Variants in AHI1 observed in about 807,000 individuals in gnomAD.
AHI1 encodes Abelson helper integration site 1, also known as jouberin.
Under a neutral mutation model 149.3 loss-of-function variants are expected in AHI1, and 123 were observed. The observed-to-expected ratio is 0.82, with a 90% confidence interval of 0.71 to 0.96. The LOEUF is 0.96. AHI1 is among the 40% of genes least tolerant of loss of function. The pLI is 0.00. For synonymous variants in AHI1, 475 were observed against 459.8 expected (o/e 1.03, Z -0.42); for missense variants, 1,439 against 1,422.7 (o/e 1.01, Z -0.18).
In AHI1 at chr6:135,442,612, A is replaced by C; in HGVS notation, c.1882T>G (p.Cys628Gly). ...SHNGRILAAA[C>G]ASRDGYPIIL... ...ATTGGATATCCATCCCGGCTGGCAC[A>C]AGCTGCTGCTAATATTCTTCCATTG... The change falls in exon 14 of 29, where the codon TGT (cysteine) becomes GGT (glycine). Residue 628 changes from cysteine (C) to glycine (G), a missense_variant. Coordinates refer to ENST00000265602, the MANE Select transcript of AHI1 (RefSeq NM_001134831.2). 1 of 1,609,772 alleles carries C rather than the reference A, an allele frequency of 6.2e-7. No homozygotes were observed. Among genetic ancestry groups the C allele is most frequent in the South Asian group, 1.1e-5 (1 of 90,186 alleles).
At chr6:135,464,209 T>C (rs1240638236) in intron 7 of AHI1, among the ~76,000 whole-genome samples, 1 of 152,112 alleles carries the variant, frequency 6.6e-6, no homozygotes, top group Non-Finnish European at 1.5e-5. Flanking sequence ...TTGAGGAAAG[T>C]AAGACTAGAG....
At chr6:135,459,162 G>A (rs986010722) in intron 8 of AHI1, among the ~76,000 whole-genome samples, 2 of 152,098 alleles carry the variant, frequency 1.3e-5, no homozygotes, top group African/African-American at 4.8e-5. Context: ...AATAAACTCA[G>A]AGGATTGAAA....
intron 8 of AHI1, among the ~76,000 whole-genome samples, chr6:135,461,706 G>A (rs140043897): frequency 7.2e-5 from 11 of 151,930 alleles, no homozygotes; most frequent in Non-Finnish European, 1.3e-4. Flanking sequence ...ATTAACTGTG[G>A]TATATTCACA....
intron 24 of AHI1, among the ~76,000 whole-genome samples, chr6:135,323,881 T>G (rs1306314093): frequency 6.6e-6 from 1 of 152,238 alleles, no homozygotes; most frequent in Non-Finnish European, 1.5e-5. Flanking sequence ...AGTATCCATA[T>G]AAGTTATTTT....
chr6:135,348,798 T>C (rs1270026167), intron 24 of AHI1, among the ~76,000 whole-genome samples: 1 of 152,110 alleles, frequency 6.6e-6, no homozygotes, highest in Admixed American at 6.6e-5. Flanking sequence ...TAAAAAGAAA[T>C]GGACAACATT....
At chr6:135,405,462 A>C (rs1226019556) in intron 21 of AHI1, among the ~76,000 whole-genome samples, 1 of 152,214 alleles carries the variant, frequency 6.6e-6, no homozygotes, top group African/African-American at 2.4e-5. Flanking sequence ...AACTCTGTAC[A>C]ATTCATGGTA....
rs940383616 is a variant in AHI1, at chr6:135,485,944, T to A, written c.135+4679A>T. Among the ~76,000 whole-genome samples the A allele has an allele frequency of 2.6e-5, 4 of 152,146 alleles. No homozygotes were observed. The East Asian group carries it at 5.8e-4, about 22-fold the overall frequency. ...GAATCAGTAGGACCTGGATTCACTA[T>A]TATTAGTTATATGATCCTGGGTACA... On this transcript the variant is annotated intron_variant, in intron 5 of 28. Coordinates refer to ENST00000265602, the MANE Select transcript of AHI1 (RefSeq NM_001134831.2).
chr6:135,475,999 T>A (rs915391514), intron 5 of AHI1, among the ~76,000 whole-genome samples: 3 of 152,250 alleles, frequency 2.0e-5, no homozygotes, highest in African/African-American at 7.2e-5. Context: ...ATTTCTATCC[T>A]GTGTTTATTT....
intron 13 of AHI1, among the ~76,000 whole-genome samples, chr6:135,445,784 C>T (rs1317991040): frequency 6.6e-6 from 1 of 151,866 alleles, no homozygotes; most frequent in African/African-American, 2.4e-5. Flanking sequence ...TGGCCGGGCA[C>T]GGTGGCTCAC....
intron 3 of AHI1, among the ~76,000 whole-genome samples, chr6:135,494,765 G>T (rs1430181820): frequency 1.3e-5 from 2 of 152,210 alleles, no homozygotes; most frequent in African/African-American, 4.8e-5. Context: ...AAAAGCCAAT[G>T]AGAATCCTGT....
At chr6:135,494,590 C>A (rs1335362440) in intron 3 of AHI1, among the ~76,000 whole-genome samples, 5 of 152,196 alleles carry the variant, frequency 3.3e-5, no homozygotes, top group Non-Finnish European at 5.9e-5. Flanking sequence ...CAATGCCTAG[C>A]ACATGGCAAG....
Position 135,490,004 on chromosome 6 carries a change from G to A in AHI1, c.135+619C>T, listed in dbSNP as rs369203465. 1.6e-5 allele frequency: 8 copies of A among 497,420 alleles called. No homozygotes were observed. The South Asian group carries it at 3.0e-4, about 19-fold the overall frequency. The allele number at this position is 497,420 out of a possible 1,614,324, so 30.8% of individuals were successfully genotyped here. ...TAGTAAAAAGTGCAACTCAAGTAGG[G>A]AGATAGGTATAAAGAGGGCATAGAG... On this transcript the variant is annotated intron_variant, in intron 5 of 28. Coordinates refer to ENST00000265602, the MANE Select transcript of AHI1 (RefSeq NM_001134831.2).
At chr6:135,400,802 A>G (rs1392766076) in intron 22 of AHI1, among the ~76,000 whole-genome samples, 2 of 152,206 alleles carry the variant, frequency 1.3e-5, no homozygotes, top group African/African-American at 4.8e-5. Flanking sequence ...ATAATTGACT[A>G]TCCCCCTACA....
At chr6:135,490,200 C>A in intron 5 of AHI1, 1 of 725,262 alleles carries the variant, frequency 1.4e-6, no homozygotes, top group East Asian at 2.6e-5. Context: ...TAATTATTAC[C>A]ATACGGCCAT....
At chr6:135,321,281 G>A (rs1037784578) in intron 25 of AHI1, among the ~76,000 whole-genome samples, 1 of 150,598 alleles carries the variant, frequency 6.6e-6, no homozygotes, top group South Asian at 2.1e-4. Context: ...AAGAAAGAAA[G>A]AAAAAAAAAG....
rs1375935414 is a variant in AHI1 at position 135,466,043 on chromosome 6, T to C, written c.520A>G (p.Asn174Asp). 6.2e-7 allele frequency: 1 copy of C among 1,613,984 alleles called. No individual in the cohort carries two copies. Among genetic ancestry groups the C allele is most frequent in the Non-Finnish European group, 8.5e-7 (1 of 1,179,874 alleles). Residue 174 changes from asparagine to aspartate, a missense_variant, in exon 7 of 29, where the codon AAT becomes GAT. Asn to Asp is a conservative substitution (Grantham distance 23). Transcript: ENST00000265602. ...AAATCAGTCTCTTCTCTTCCCTCAT[T>C]TGCCTTCTCACTTTTCTGATGATCA... ...GVDHQKSEKANEGREETDLEE... is the reference protein window; with the variant it reads ...GVDHQKSEKADEGREETDLEE...
At chr6:135,387,917 A>G in intron 23 of AHI1, 1 of 1,604,110 alleles carries the variant, frequency 6.2e-7, no homozygotes, top group Non-Finnish European at 8.5e-7. Context: ...ACTACCTAAC[A>G]AAACAGTTAG....
In AHI1 at chr6:135,407,778, C is replaced by T. The variant is rs571621317; in HGVS notation, c.2962-2801G>A. The stretch of plus-strand genomic sequence containing the variant: ...CTGTAATCCCAGCACTTTGGGAGGC[C>T]GAGGTGGGCGGATCACAAGGTCAGG... On this transcript the variant is annotated intron_variant, in intron 21 of 28. Coordinates refer to ENST00000265602, the MANE Select transcript of AHI1 (RefSeq NM_001134831.2). Among the ~76,000 whole-genome samples, 238 of 151,978 alleles carry T rather than the reference C, an allele frequency of 1.6e-3. 1 individual carries two copies. The highest frequency in any genetic ancestry group is 5.4e-3 in the African/African-American group (224 of 41,480).
intron 28 of AHI1, among the ~76,000 whole-genome samples, chr6:135,288,068 C>T (rs1562434482): frequency 6.6e-6 from 1 of 151,966 alleles, no homozygotes; most frequent in Admixed American, 6.6e-5. Flanking sequence ...GCAGTCCAGC[C>T]TGGGCAACAC....
Sources: gnomAD v4.1 joint callset for allele counts (sites outside exome capture counted in the v4.1 genomes callset) on GRCh38, gnomAD v4.1.1 for gene constraint, MANE v1.5 for transcripts, NCBI Gene and HGNC (gene_info 2026-07-23, HGNC 2026-07-21) for gene names.